Variants in ZYG11A observed in about 807,000 individuals in gnomAD.
ZYG11A encodes protein zyg-11 homolog A.
A neutral mutation model predicts 77.2 loss-of-function variants in ZYG11A; 62 were observed. That is an observed-to-expected ratio of 0.80 (90% CI 0.65 to 0.99). The LOEUF (loss-of-function observed/expected upper bound fraction) is 0.99, where lower values mean the gene tolerates loss of function less well. ZYG11A is among the 50% of genes least tolerant of loss of function. ZYG11A has a pLI of 0.00. For missense variants in ZYG11A, 828 were observed against 896.8 expected, an observed-to-expected ratio of 0.92 and a Z score of 0.98; for synonymous variants, 315 against 324.6, an observed-to-expected ratio of 0.97 and a Z score of 0.32.
At chr1:52,849,165 G>GA (rs1645655950) in intron 1 of ZYG11A, among the ~76,000 whole-genome samples, 1 of 151,908 alleles carries the variant, frequency 6.6e-6, no homozygotes, top group South Asian at 2.1e-4. Flanking sequence ...CCTGGTTCAA[G>GA]AGGTTCTCCT....
chr1:52,885,971 C>G, intron 12 of ZYG11A, 77 bp downstream of exon 12: 1 of 1,199,066 alleles, frequency 8.3e-7, no homozygotes, highest in East Asian at 2.6e-5. Flanking sequence ...CTTGCTCAGT[C>G]GCCCAGGCTG....
intron 10 of ZYG11A, among the ~76,000 whole-genome samples, chr1:52,879,679 T>C (rs1041724420): frequency 2.0e-5 from 3 of 152,154 alleles, no homozygotes; most frequent in African/African-American, 7.2e-5. Context: ...GAAAGTTGGA[T>C]TGATGCCTCA....
rs140294725 is a variant in ZYG11A at position 52,884,737 on chromosome 1, C to T, written c.1945-1096C>T. On this transcript the variant is annotated intron_variant, in intron 11 of 13. Coordinates refer to ENST00000371528, the MANE Select transcript of ZYG11A (RefSeq NM_001004339.3). ...AGAGTTGAGGGGCAGGGGATCTCAA[C>T]ATTTAGTATTTAGGTTTTAACTCCA... is the stretch of plus-strand genomic sequence containing the variant. Among the ~76,000 whole-genome samples the T allele has an allele frequency of 1.7e-3, 258 of 152,220 alleles. 1 individual carries two copies. Among genetic ancestry groups the T allele is most frequent in the Middle Eastern group, 6.8e-3 (2 of 294 alleles).
At chr1:52,845,025 C>T (rs1645536207) in intron 1 of ZYG11A, among the ~76,000 whole-genome samples, 1 of 151,958 alleles carries the variant, frequency 6.6e-6, no homozygotes, top group South Asian at 2.1e-4. Flanking sequence ...ATCCTCTTGC[C>T]TTGGCCTCCC....
Position 52,894,913 on chromosome 1 carries a change from A to G in ZYG11A, c.*1956A>G, listed in dbSNP as rs1228976266. On this transcript the variant is annotated 3_prime_UTR_variant, in exon 14 of 14. Coordinates refer to ENST00000371528, the MANE Select transcript of ZYG11A (RefSeq NM_001004339.3). ...TAGTGTGTTAAGTCCAATTCTGTAC[A>G]AGACATCCTTTCAAGTTCTGTGTCA... 6.6e-6 allele frequency: 1 copy of G among 152,234 alleles called. No individual in the cohort carries two copies. Among genetic ancestry groups the G allele is most frequent in the African/African-American group, 2.4e-5 (1 of 41,456 alleles). The allele number at this position is 152,234 out of a possible 1,614,324, so 9.4% of individuals were successfully genotyped here.
chr1:52,866,633 T>C, intron 6 of ZYG11A, 66 bp downstream of exon 6: 1 of 951,980 alleles, frequency 1.1e-6, no homozygotes, highest in Non-Finnish European at 1.6e-6. Flanking sequence ...AGAGGCCTGA[T>C]TAAGGCTGGG....
chr1:52,878,426 C>G lies in ZYG11A; in HGVS notation c.1749+457C>G, dbSNP rs563464369. On this transcript the variant is annotated intron_variant, in intron 10 of 13. Transcript: ENST00000371528. Reference sequence around the variant, plus strand: ...ATCTCTAGAGGGCAGGCCCCACTGTCCAAGCGCTTTTTAAACCTCTGCTTA... The same window carrying G: ...ATCTCTAGAGGGCAGGCCCCACTGTGCAAGCGCTTTTTAAACCTCTGCTTA... 6.6e-5 allele frequency among the ~76,000 whole-genome samples: 10 copies of G among 152,298 alleles called. No homozygotes were observed. In the South Asian group the frequency reaches 1.9e-3, roughly 28 times the overall value.
At chr1:52,846,967 T>C (rs1470780452) in intron 1 of ZYG11A, among the ~76,000 whole-genome samples, 2 of 147,912 alleles carry the variant, frequency 1.4e-5, no homozygotes, top group African/African-American at 2.5e-5. Flanking sequence ...CCTGCCTCAG[T>C]CTCCCCAGCA....
chr1:52,862,070 G>A (rs1179244432), intron 4 of ZYG11A, among the ~76,000 whole-genome samples: 1 of 151,622 alleles, frequency 6.6e-6, no homozygotes, highest in Non-Finnish European at 1.5e-5. Flanking sequence ...TTAGCCAGGC[G>A]TGGTGGCAGG....
intron 8 of ZYG11A, among the ~76,000 whole-genome samples, chr1:52,877,123 C>T (rs566078128): frequency 9.9e-5 from 15 of 152,082 alleles, no homozygotes; most frequent in East Asian, 1.9e-4. Context: ...CTTCCTCCCC[C>T]TCTCCCCCCA....
intron 3 of ZYG11A, among the ~76,000 whole-genome samples, chr1:52,859,667 C>CTTTTTT (rs60756718): frequency 2.3e-5 from 1 of 42,906 alleles, no homozygotes. Context: ...TGTGTATTGC[C>CTTTTTT]TTTTTTTTTT....
Position 52,860,887 on chromosome 1 carries a change from C to T in ZYG11A, c.1149+16C>T. 6.5e-7 allele frequency: 1 copy of T among 1,547,880 alleles called. No individual in the cohort carries two copies. The highest frequency in any genetic ancestry group is 8.7e-7 in the Non-Finnish European group (1 of 1,145,058). ...TATTTTAAAGGTAATTGAAGGAAGA[C>T]AATTTTTACTATTACTTCTTAACTT... On this transcript the variant is annotated intron_variant, in intron 4 of 13. Transcript: ENST00000371528.
In ZYG11A at chr1:52,881,480, G is replaced by T; in HGVS notation, c.1759G>T (p.Ala587Ser). The change falls in exon 11 of 14, where the codon GCA becomes TCA. Residue 587 changes from alanine (A) to serine (S), a missense_variant. Ala to Ser is a moderately conservative substitution (Grantham distance 99, BLOSUM62 1). Transcript: ENST00000371528. ...SKVLGLLNNI[A>S]EVRELSSKLV... ...TCCATCTGACCTGTAGAACAACATA[G>T]CAGAAGTCAGAGAGCTCTCTTCCAA... is the stretch of plus-strand genomic sequence containing the variant. The T allele has an allele frequency of 6.5e-7, 1 of 1,549,688 alleles. No individual in the cohort carries two copies. Among genetic ancestry groups the T allele is most frequent in the South Asian group, 1.2e-5 (1 of 83,704 alleles).
intron 8 of ZYG11A, 111 bp from the exon 9 acceptor site, chr1:52,877,571 A>T (rs1294768167): frequency 1.8e-5 from 14 of 799,642 alleles, no homozygotes; most frequent in Non-Finnish European, 2.5e-5. Context: ...ACTAAGTGGC[A>T]GAACTTGGGT....
chr1:52,859,709 G>A (rs1327285228), intron 3 of ZYG11A, among the ~76,000 whole-genome samples: 1 of 119,578 alleles, frequency 8.4e-6, no homozygotes, highest in Non-Finnish European at 1.6e-5. Flanking sequence ...ACAGAGTCTC[G>A]GTCTGTCACC....
At chr1:52,886,749 G>A (rs565423392) in intron 12 of ZYG11A, among the ~76,000 whole-genome samples, 24 of 104,140 alleles carry the variant, frequency 2.3e-4, no homozygotes, top group Non-Finnish European at 7.1e-5. Flanking sequence ...GGCTCACCTT[G>A]TTGCCTAGGC....
rs1449144321 is a variant in ZYG11A, at chr1:52,857,088, C to T, written c.347C>T (p.Ala116Val). Residue 116 changes from alanine (A) to valine (V), a missense_variant, in exon 3 of 14, where the codon GCT becomes GTT. Ala to Val is a moderately conservative substitution (Grantham distance 64, BLOSUM62 0). Coordinates refer to ENST00000371528, the MANE Select transcript of ZYG11A (RefSeq NM_001004339.3). ...ATCCAAAAAGCTAAAATCTCTACAG[C>T]TGCATTCATAAAAGCCTTCTGCCGT... ...VNIQKAKIST[A>V]AFIKAFCRHK... 4 of 1,551,690 alleles carry T rather than the reference C, an allele frequency of 2.6e-6. No homozygotes were observed. The highest frequency in any genetic ancestry group is 3.5e-6 in the Non-Finnish European group (4 of 1,146,966).
Position 52,877,813 on chromosome 1 carries a change from A to C in ZYG11A, c.1674A>C (p.Gln558His). ...CCTGCAAGCACTTCATTGAAAATCA[A>C]GGATTGCAAATCTTCATCCAAGTCT... ...PAACKHFIENQGLQIFIQVLE... is the reference protein window; with the variant it reads ...PAACKHFIENHGLQIFIQVLE... The change falls in exon 9 of 14, where the codon CAA (glutamine) becomes CAC (histidine). Residue 558 changes from glutamine (Q) to histidine (H), a missense_variant. Gln to His is a conservative substitution (Grantham distance 24). Transcript: ENST00000371528. 6.4e-7 allele frequency: 1 copy of C among 1,551,590 alleles called. No homozygotes were observed. The highest frequency in any genetic ancestry group is 8.7e-7 in the Non-Finnish European group (1 of 1,146,958).
intron 1 of ZYG11A, among the ~76,000 whole-genome samples, chr1:52,846,310 T>TTATATATA (rs869093943): frequency 9.2e-4 from 33 of 35,694 alleles, no homozygotes; most frequent in Non-Finnish European, 1.8e-3. Context: ...TTTTAAATTT[T>TTATATATA]TATATATATA....
Sources: gnomAD v4.1 joint callset for allele counts (sites outside exome capture counted in the v4.1 genomes callset) on GRCh38, gnomAD v4.1.1 for gene constraint, MANE v1.5 for transcripts, NCBI Gene and HGNC (gene_info 2026-07-23, HGNC 2026-07-21) for gene names.